The following FRAS1 variants were observed in gnomAD, a reference collection of about 807,000 sequenced individuals.
The protein encoded by FRAS1 is extracellular matrix organizing protein FRAS1.
FRAS1 carries 290 observed loss-of-function variants against 435.2 expected under a neutral mutation model. That is an observed-to-expected ratio of 0.67 (90% CI 0.61 to 0.73). The LOEUF (loss-of-function observed/expected upper bound fraction) is 0.73, where lower values mean the gene tolerates loss of function less well. FRAS1 is among the 30% of genes least tolerant of loss of function. The pLI, the probability that FRAS1 is intolerant of heterozygous loss-of-function variation, is 0.00. For synonymous variants in FRAS1, 1,800 were observed against 1,851.0 expected (o/e 0.97, Z 0.71); for missense variants, 4,860 against 5,001.5 (o/e 0.97, Z 0.85).
intron 38 of FRAS1, among the ~76,000 whole-genome samples, chr4:78,435,515 G>C (rs967312410): frequency 2.0e-5 from 3 of 152,182 alleles, no homozygotes; most frequent in Non-Finnish European, 4.4e-5. Context: ...GAGGCATGTA[G>C]ATCATTTGAG....
intron 16 of FRAS1, 70 bp downstream of exon 16, chr4:78,315,804 A>G (rs1417259956): frequency 1.3e-6 from 2 of 1,555,956 alleles, no homozygotes; most frequent in Non-Finnish European, 1.8e-6. Flanking sequence ...TTGGTGTTAT[A>G]TGTTGCTAAT....
chr4:78,511,675 T>C (rs1721048291), intron 64 of FRAS1, 169 bp downstream of exon 64: 1 of 673,360 alleles, frequency 1.5e-6, no homozygotes, highest in East Asian at 2.8e-5. Context: ...TCGGGCCCCC[T>C]GCCTATCTTC....
intron 2 of FRAS1, among the ~76,000 whole-genome samples, chr4:78,187,842 A>G (rs1722338175): frequency 6.6e-6 from 1 of 152,078 alleles, no homozygotes; most frequent in South Asian, 2.1e-4. Flanking sequence ...TGACCTTGTG[A>G]TCTGCCCGAC....
chr4:78,224,159 G>A (rs1724170815), intron 2 of FRAS1, among the ~76,000 whole-genome samples: 1 of 152,124 alleles, frequency 6.6e-6, no homozygotes, highest in Non-Finnish European at 1.5e-5. Context: ...AGGTAATAGT[G>A]GCAGCCAAAG....
In FRAS1 at chr4:78,063,305, A is replaced by G. The variant is rs116168363; in HGVS notation, c.77-2680A>G. The stretch of plus-strand genomic sequence containing the variant: ...GAAATATGCTTCCTTTGGATGCTGC[A>G]TCTGGTATTGGGTGATGATAAATGT... On this transcript the variant is annotated intron_variant, in intron 1 of 73. Transcript: ENST00000512123. 6.0e-3 allele frequency among the ~76,000 whole-genome samples: 919 copies of G among 152,220 alleles called. 8 individuals are homozygous for G. Among genetic ancestry groups the G allele is most frequent in the African/African-American group, 0.021 (863 of 41,530 alleles).
At chr4:78,174,289 C>T (rs17003019) in intron 2 of FRAS1, among the ~76,000 whole-genome samples, 21,569 of 152,142 alleles carry the variant, frequency 0.14, 1,861 homozygotes, top group East Asian at 0.34. Context: ...ATTAATTTAG[C>T]GCTTGGCAAA....
chr4:78,344,168 A>T (rs1394110482), intron 20 of FRAS1, among the ~76,000 whole-genome samples: 1 of 151,600 alleles, frequency 6.6e-6, no homozygotes, highest in Non-Finnish European at 1.5e-5. Flanking sequence ...TAGTATGCTG[A>T]TTATTTCTAC....
At chr4:78,440,826 T>G (rs1465464684) in intron 40 of FRAS1, among the ~76,000 whole-genome samples, 1 of 152,194 alleles carries the variant, frequency 6.6e-6, no homozygotes, top group African/African-American at 2.4e-5. Context: ...AATGTTGATG[T>G]GGAAGGAAGG....
chr4:78,116,297 G>A (rs1743169064), intron 2 of FRAS1, among the ~76,000 whole-genome samples: 1 of 152,190 alleles, frequency 6.6e-6, no homozygotes, highest in African/African-American at 2.4e-5. Context: ...TGAAAAGAAT[G>A]TGTATTCTGT....
At chr4:78,364,399 A>G (rs1480676137) in intron 22 of FRAS1, among the ~76,000 whole-genome samples, 2 of 152,218 alleles carry the variant, frequency 1.3e-5, no homozygotes, top group Non-Finnish European at 2.9e-5. Flanking sequence ...ATCCCATTCT[A>G]TGACCCTAGG....
chr4:78,252,486 G>T lies in FRAS1; in HGVS notation c.404G>T (p.Cys135Phe), dbSNP rs1190199573. 1 of 1,613,656 alleles carries T rather than the reference G, an allele frequency of 6.2e-7. No homozygotes were observed. The highest frequency in any genetic ancestry group is 8.5e-7 in the Non-Finnish European group (1 of 1,179,856). ...CCCCAACCATGCCCACCGCTGTCAT[G>T]TGGACACCAGGAGCTGGCATTCATC... Reference protein sequence around the residue: ...CTPQPCPPLSCGHQELAFIPE... With the variant: ...CTPQPCPPLSFGHQELAFIPE... Residue 135 changes from cysteine (C) to phenylalanine (F), a missense_variant, in exon 5 of 74, where the codon TGT becomes TTT. Physicochemically the swap from Cys to Phe is radical, Grantham distance 205 (BLOSUM62 -2). Transcript: ENST00000512123.
chr4:78,431,527 T>C (rs1734221983), intron 37 of FRAS1, among the ~76,000 whole-genome samples: 1 of 152,182 alleles, frequency 6.6e-6, no homozygotes, highest in Non-Finnish European at 1.5e-5. Flanking sequence ...TTCTTCAATC[T>C]CAATACATAG....
chr4:78,532,965 A>C (rs1205332009), intron 70 of FRAS1, among the ~76,000 whole-genome samples: 1 of 152,220 alleles, frequency 6.6e-6, no homozygotes, highest in African/African-American at 2.4e-5. Flanking sequence ...TGTCTCTACA[A>C]GATGGTGATT....
intron 60 of FRAS1, 118 bp downstream of exon 60, chr4:78,497,079 C>A: frequency 1.3e-6 from 1 of 770,566 alleles, no homozygotes; most frequent in Non-Finnish European, 2.1e-6. Context: ...TGATAACATT[C>A]TCTGAATATT....
At chr4:78,371,099 T>G (rs901012997) in intron 23 of FRAS1, among the ~76,000 whole-genome samples, 6 of 151,010 alleles carry the variant, frequency 4.0e-5, no homozygotes, top group African/African-American at 7.3e-5. Flanking sequence ...TTGTTTTTTT[T>G]TTTTTTTGCC....
In FRAS1 at chr4:78,499,774, C is replaced by A. The variant is rs1321091735; in HGVS notation, c.9169C>A (p.Pro3057Thr). 1.2e-6 allele frequency: 2 copies of A among 1,613,786 alleles called. No individual in the cohort carries two copies. The highest frequency in any genetic ancestry group is 1.3e-5 in the African/African-American group (1 of 74,904). ...ATACCAAGTCCGGGAACCCGCAGGC[C>A]CAGATGCCATTGCGATTCTGAACAT... is the stretch of plus-strand genomic sequence containing the variant. ...AAYQVREPAGPDAIAILNIKV... is the reference protein window; with the variant it reads ...AAYQVREPAGTDAIAILNIKV... The change falls in exon 61 of 74, where the codon CCA (proline) becomes ACA (threonine). Residue 3057 changes from proline to threonine, a missense_variant. Physicochemically the swap from Pro to Thr is conservative, Grantham distance 38. Coordinates refer to ENST00000512123, the MANE Select transcript of FRAS1 (RefSeq NM_025074.7).
intron 2 of FRAS1, among the ~76,000 whole-genome samples, chr4:78,184,855 G>T (rs1055782989): frequency 3.3e-5 from 5 of 152,214 alleles, no homozygotes; most frequent in Non-Finnish European, 5.9e-5. Flanking sequence ...AAATCTCACA[G>T]CAGCATCTAG....
At chr4:78,249,045 A>G (rs200806881) in intron 4 of FRAS1, among the ~76,000 whole-genome samples, 1 of 62,880 alleles carries the variant, frequency 1.6e-5, no homozygotes, top group Non-Finnish European at 2.9e-5. Flanking sequence ...ATGAAGAACT[A>G]CTGATATATA....
chr4:78,206,374 C>A (rs796659367), intron 2 of FRAS1, among the ~76,000 whole-genome samples: 2 of 152,110 alleles, frequency 1.3e-5, no homozygotes, highest in African/African-American at 2.4e-5. Context: ...CCCCTCGGAG[C>A]CTTAAGAAAG....
Sources: gnomAD v4.1 joint callset for allele counts (sites outside exome capture counted in the v4.1 genomes callset) on GRCh38, gnomAD v4.1.1 for gene constraint, MANE v1.5 for transcripts, NCBI Gene and HGNC (gene_info 2026-07-23, HGNC 2026-07-21) for gene names.